TRAPPC9: variants seen among roughly 807,000 people sequenced by gnomAD.
TRAPPC9 encodes trafficking protein particle complex subunit 9.
TRAPPC9 carries 83 observed loss-of-function variants against 124.0 expected under a neutral mutation model. The ratio of observed to expected loss-of-function variants is 0.67; its 90% CI spans 0.56 to 0.80. The LOEUF is 0.80. TRAPPC9 is among the 30% of genes least tolerant of loss of function. The pLI, the probability that TRAPPC9 is intolerant of heterozygous loss-of-function variation, is 0.00. For missense variants in TRAPPC9, 1,302 were observed against 1,508.3 expected, an observed-to-expected ratio of 0.86 and a Z score of 2.27; for synonymous variants, 638 against 617.5, an observed-to-expected ratio of 1.03 and a Z score of -0.49.
rs1431027408 is a variant in TRAPPC9 at position 140,270,057 on chromosome 8, G to A, written c.2278+5601C>T. On this transcript the variant is annotated intron_variant, in intron 15 of 22. Coordinates refer to ENST00000438773, the MANE Select transcript of TRAPPC9 (RefSeq NM_001160372.4). ...GGAGGTTGCAGCAAGCCAAGACCAC[G>A]CCACTGCACTCCAGCCTGGGCAACA... Among the ~76,000 whole-genome samples, 6 of 151,608 alleles carry A rather than the reference G, an allele frequency of 4.0e-5. No individual in the cohort carries two copies. The South Asian group carries it at 6.3e-4, about 16-fold the overall frequency.
At chr8:140,423,784 C>T (rs2070325975) in intron 5 of TRAPPC9, among the ~76,000 whole-genome samples, 1 of 151,782 alleles carries the variant, frequency 6.6e-6, no homozygotes, top group Non-Finnish European at 1.5e-5. Flanking sequence ...GAATATTATT[C>T]TGCAAGAAGA....
intron 17 of TRAPPC9, among the ~76,000 whole-genome samples, chr8:140,166,715 C>A (rs1311692979): frequency 2.0e-5 from 3 of 152,234 alleles, no homozygotes; most frequent in Non-Finnish European, 2.9e-5. Flanking sequence ...GGCAGCTCTG[C>A]GGAATGGGAG....
chr8:140,301,894 G>A (rs2065989463), intron 10 of TRAPPC9, among the ~76,000 whole-genome samples: 1 of 152,216 alleles, frequency 6.6e-6, no homozygotes. Flanking sequence ...GCGGCCTGGA[G>A]CACTCAGCAA....
At chr8:140,193,011 A>G (rs1254609577) in intron 17 of TRAPPC9, among the ~76,000 whole-genome samples, 2 of 152,162 alleles carry the variant, frequency 1.3e-5, no homozygotes, top group East Asian at 3.8e-4. Flanking sequence ...ACCTCAAGTG[A>G]TCCGCCCGCC....
chr8:140,183,952 G>GAGA (rs2062284144), intron 17 of TRAPPC9, among the ~76,000 whole-genome samples: 1 of 45,932 alleles, frequency 2.2e-5, no homozygotes, highest in South Asian at 1.7e-3. Flanking sequence ...GAGAGGAGAG[G>GAGA]GGAGGGGAGG....
intron 9 of TRAPPC9, among the ~76,000 whole-genome samples, chr8:140,319,639 C>A (rs2066540823): frequency 6.6e-6 from 1 of 151,868 alleles, no homozygotes; most frequent in Admixed American, 6.6e-5. Flanking sequence ...GCTAATTTTT[C>A]ATATTTTCTG....
rs1234280796 is a variant in TRAPPC9, at chr8:140,101,532, C to CTTTTTTTTTTTTTTTT, written c.2557-77454_2557-77453insAAAAAAAAAAAAAAAA. Among the ~76,000 whole-genome samples, 5 of 78,722 alleles carry CTTTTTTTTTTTTTTTT rather than the reference C, an allele frequency of 6.4e-5. 1 individual carries two copies. Among genetic ancestry groups the CTTTTTTTTTTTTTTTT allele is most frequent in the African/African-American group, 1.9e-4 (3 of 15,558 alleles). 51.6% of individuals were successfully genotyped at this position (78,722 alleles called of 152,430 possible). Reference sequence around the variant, plus strand: ...ACTTGGGTTGGTTTTGTAGGGTTTTCTTTTTTTTGTTTTTTTTTTTTTTTT... The same window carrying CTTTTTTTTTTTTTTTT: ...ACTTGGGTTGGTTTTGTAGGGTTTTCTTTTTTTTTTTTTTTTTTTTTTTTGTTTTTTTTTTTTTTTT... On this transcript the variant is annotated intron_variant, in intron 17 of 22. Coordinates refer to ENST00000438773, the MANE Select transcript of TRAPPC9 (RefSeq NM_001160372.4).
At chr8:140,392,079 G>A (rs1236180831) in intron 7 of TRAPPC9, among the ~76,000 whole-genome samples, 3 of 152,112 alleles carry the variant, frequency 2.0e-5, no homozygotes, top group Non-Finnish European at 4.4e-5. Context: ...GGTAGTTTGA[G>A]GGAAACTACC....
intron 17 of TRAPPC9, among the ~76,000 whole-genome samples, chr8:140,083,958 C>A (rs1272488865): frequency 6.6e-6 from 1 of 152,174 alleles, no homozygotes; most frequent in African/African-American, 2.4e-5. Flanking sequence ...AGCGCCGCAC[C>A]TGGCCCAGGC....
At chr8:139,996,954 C>T (rs1458091127) in intron 18 of TRAPPC9, among the ~76,000 whole-genome samples, 1 of 152,156 alleles carries the variant, frequency 6.6e-6, no homozygotes, top group Non-Finnish European at 1.5e-5. Context: ...GCCACGTTGG[C>T]CAGGCTGGTC....
At chr8:140,372,685 TAAG>T (rs1423887699) in intron 7 of TRAPPC9, among the ~76,000 whole-genome samples, 1 of 152,106 alleles carries the variant, frequency 6.6e-6, no homozygotes, top group Non-Finnish European at 1.5e-5. Context: ...AGTGCCCTTA[TAAG>T]AAGAGACCCT....
At position 139,776,427 on chromosome 8, in the gene TRAPPC9, C is replaced by T. The variant is rs1385586244; in HGVS notation, c.3056-44225G>A. On this transcript the variant is annotated intron_variant, in intron 21 of 22. Transcript: ENST00000438773. This position sits in a 1 kb window ranked among gnomAD's most constrained non-coding sequence, Gnocchi z 4.1. ...CGAATTGGGAAGGATGGGGTGGCAC[C>T]AGGGTGAAGACACATGCTCATCACC... Among the ~76,000 whole-genome samples the T allele has an allele frequency of 6.6e-6, 1 of 152,222 alleles. No individual in the cohort carries two copies. Among genetic ancestry groups the T allele is most frequent in the East Asian group, 1.9e-4 (1 of 5,188 alleles).
At chr8:140,143,153 T>C (rs2061406685) in intron 17 of TRAPPC9, among the ~76,000 whole-genome samples, 1 of 152,214 alleles carries the variant, frequency 6.6e-6, no homozygotes, top group Non-Finnish European at 1.5e-5. Flanking sequence ...TTAGCATGCG[T>C]TTCCCTGATT....
chr8:140,179,992 GAT>G (rs2062159949), intron 17 of TRAPPC9, among the ~76,000 whole-genome samples: 2 of 49,112 alleles, frequency 4.1e-5, no homozygotes, highest in African/African-American at 1.1e-4. Flanking sequence ...GTTATATCTT[GAT>G]TTTTTTTTTT....
intron 17 of TRAPPC9, among the ~76,000 whole-genome samples, chr8:140,107,336 T>C (rs1163312837): frequency 1.3e-5 from 2 of 152,212 alleles, no homozygotes; most frequent in African/African-American, 2.4e-5. Context: ...CCTTTGTTTA[T>C]TCGCTTACTA....
intron 16 of TRAPPC9, among the ~76,000 whole-genome samples, chr8:140,250,171 A>G (rs528563742): frequency 2.0e-5 from 3 of 152,350 alleles, no homozygotes; most frequent in Non-Finnish European, 4.4e-5. Flanking sequence ...ATAAAATGGG[A>G]ATTACAACAT....
chr8:140,098,774 G>C (rs1191562249), intron 17 of TRAPPC9: 1 of 150,574 alleles, frequency 6.6e-6, no homozygotes, highest in Non-Finnish European at 1.5e-5. Context: ...TATGCACAAA[G>C]TAATGACGCC....
chr8:139,793,203 G>A (rs1822819592), intron 21 of TRAPPC9, among the ~76,000 whole-genome samples: 1 of 152,114 alleles, frequency 6.6e-6, no homozygotes, highest in Non-Finnish European at 1.5e-5. Flanking sequence ...TAAACCAGGG[G>A]ACTCGGCTGT....
chr8:140,336,231 G>C (rs1384763439), intron 9 of TRAPPC9, among the ~76,000 whole-genome samples: 1 of 152,094 alleles, frequency 6.6e-6, no homozygotes, highest in Admixed American at 6.5e-5. Flanking sequence ...TACAGTAAAA[G>C]CCCCTTGTTT....
Sources: gnomAD v4.1 joint callset for allele counts (sites outside exome capture counted in the v4.1 genomes callset) on GRCh38, gnomAD v4.1.1 for gene constraint, Gnocchi (gnomAD v3.1) non-coding constraint, MANE v1.5 for transcripts, NCBI Gene and HGNC (gene_info 2026-07-23, HGNC 2026-07-21) for gene names.